Variants in CDK14 observed in about 807,000 individuals in gnomAD.
CDK14 encodes cyclin dependent kinase 14.
In CDK14, 34 loss-of-function variants were observed where a neutral mutation model predicts 60.7. The observed-to-expected ratio is 0.56, with a 90% CI of 0.43 to 0.75. CDK14 has a LOEUF of 0.75. Ranked by LOEUF, CDK14 falls within the 30% of genes least tolerant of loss-of-function variation. CDK14 has a pLI of 0.00. For synonymous variants in CDK14, 197 were observed against 203.7 expected (o/e 0.97, Z 0.28); for missense variants, 482 against 564.1 (o/e 0.85, Z 1.47).
chr7:90,625,348 G>T (rs1799855559), intron 2 of CDK14, among the ~76,000 whole-genome samples: 1 of 152,080 alleles, frequency 6.6e-6, no homozygotes, highest in Non-Finnish European at 1.5e-5. Flanking sequence ...TTTAAAAAAG[G>T]TTATTTTTAA....
At position 90,864,485 on chromosome 7, in the gene CDK14, C is replaced by T. The variant is rs539449739; in HGVS notation, c.639+1216C>T. Among the ~76,000 whole-genome samples the T allele has an allele frequency of 4.6e-5, 7 of 152,134 alleles. No individual in the cohort carries two copies. The South Asian group carries it at 1.5e-3, about 32-fold the overall frequency. On this transcript the variant is annotated intron_variant, in intron 6 of 14. Transcript: ENST00000380050. The stretch of plus-strand genomic sequence containing the variant: ...CATATTTCAGTTAAATCTAGATTTT[C>T]TTTACTATGCTTGACTTTTACAGTG...
At chr7:90,954,063 G>A (rs1161262622) in intron 8 of CDK14, among the ~76,000 whole-genome samples, 1 of 151,998 alleles carries the variant, frequency 6.6e-6, no homozygotes, top group Non-Finnish European at 1.5e-5. Flanking sequence ...ATGTCTGTGT[G>A]GTATAATCTG....
intron 5 of CDK14, among the ~76,000 whole-genome samples, chr7:90,842,938 T>C (rs1017225897): frequency 7.2e-5 from 11 of 151,976 alleles, no homozygotes; most frequent in Non-Finnish European, 1.5e-4. Context: ...AAACAACCTA[T>C]TGCTAATGTT....
chr7:91,085,823 G>A (rs547793616), intron 12 of CDK14, among the ~76,000 whole-genome samples: 1 of 152,122 alleles, frequency 6.6e-6, no homozygotes, highest in South Asian at 2.1e-4. Flanking sequence ...TTTATCTCTA[G>A]CACAGAGGAA....
At chr7:91,191,283 A>G (rs1802354705) in intron 14 of CDK14, among the ~76,000 whole-genome samples, 1 of 152,112 alleles carries the variant, frequency 6.6e-6, no homozygotes, top group Non-Finnish European at 1.5e-5. Context: ...AAACAATCAC[A>G]CAAAGTTTTC....
intron 3 of CDK14, among the ~76,000 whole-genome samples, chr7:90,729,978 A>G (rs1802795914): frequency 6.6e-6 from 1 of 152,082 alleles, no homozygotes; most frequent in Admixed American, 6.6e-5. Flanking sequence ...GCACTCGTCA[A>G]CCTGTCATTT....
chr7:90,889,616 A>G (rs1384204933), intron 6 of CDK14, among the ~76,000 whole-genome samples: 2 of 152,234 alleles, frequency 1.3e-5, no homozygotes, highest in Non-Finnish European at 2.9e-5. Flanking sequence ...TGTGATTGCT[A>G]TGAGAGGATT....
chr7:91,010,931 G>T (rs1796143203), intron 10 of CDK14, among the ~76,000 whole-genome samples: 3 of 146,962 alleles, frequency 2.0e-5, no homozygotes, highest in African/African-American at 2.5e-5. Context: ...TAAATGAGGT[G>T]GTGAGAATGG....
intron 9 of CDK14, among the ~76,000 whole-genome samples, chr7:90,958,015 T>C (rs1229236868): frequency 1.3e-5 from 2 of 152,192 alleles, no homozygotes; most frequent in East Asian, 1.9e-4. Context: ...ATTCATATAA[T>C]TTTATGACCT....
intron 2 of CDK14, among the ~76,000 whole-genome samples, chr7:90,653,663 T>C (rs17866309): frequency 6.6e-6 from 1 of 152,308 alleles, no homozygotes; most frequent in Non-Finnish European, 1.5e-5. Context: ...GAAATTCTTT[T>C]ATTTATTTAT....
intron 10 of CDK14, among the ~76,000 whole-genome samples, chr7:90,988,954 C>T (rs1795453049): frequency 6.6e-6 from 1 of 151,660 alleles, no homozygotes; most frequent in Non-Finnish European, 1.5e-5. Context: ...TAAAATAGTC[C>T]TCTTCATCAA....
chr7:91,195,603 A>G (rs1430204926), intron 14 of CDK14, among the ~76,000 whole-genome samples: 1 of 152,216 alleles, frequency 6.6e-6, no homozygotes, highest in Non-Finnish European at 1.5e-5. Flanking sequence ...AAAACATTTC[A>G]ATACTAAATG....
Position 90,637,004 on chromosome 7 carries a change from G to T in CDK14, c.123+32755G>T, listed in dbSNP as rs544409603. ...TATCCCCTTTATCATTTTTTATTGC[G>T]TCTATTTGATTCTTCTCTCTTTTTT... On this transcript the variant is annotated intron_variant, in intron 2 of 14. Coordinates refer to ENST00000380050, the MANE Select transcript of CDK14 (RefSeq NM_001287135.2). Among the ~76,000 whole-genome samples the T allele has an allele frequency of 8.6e-4, 131 of 151,516 alleles. 1 individual carries two copies. Among genetic ancestry groups the T allele is most frequent in the Non-Finnish European group, 1.7e-3 (112 of 67,848 alleles).
chr7:90,622,489 A>G (rs1325656291), intron 2 of CDK14, among the ~76,000 whole-genome samples: 4 of 152,228 alleles, frequency 2.6e-5, no homozygotes, highest in African/African-American at 9.6e-5. Flanking sequence ...AATTGGGCAT[A>G]AAAGTTGTGA....
chr7:90,906,619 TC>T (rs1792715538), intron 7 of CDK14, among the ~76,000 whole-genome samples: 1 of 152,086 alleles, frequency 6.6e-6, no homozygotes, highest in African/African-American at 2.4e-5. Flanking sequence ...TACATATTTT[TC>T]TTTGTTGATA....
intron 4 of CDK14, among the ~76,000 whole-genome samples, chr7:90,780,575 C>T (rs1043276809): frequency 2.4e-4 from 29 of 120,070 alleles, no homozygotes; most frequent in Admixed American, 3.8e-4. Context: ...TCCCTCCCCC[C>T]TCCCCCCACC....
At position 91,142,737 on chromosome 7, in the gene CDK14, A is replaced by G. The variant is rs544375355; in HGVS notation, c.*28+24529A>G. Among the ~76,000 whole-genome samples, 7 of 152,364 alleles carry G rather than the reference A, an allele frequency of 4.6e-5. No individual in the cohort carries two copies. The South Asian group carries it at 1.0e-3, about 23-fold the overall frequency. On this transcript the variant is annotated intron_variant, in intron 14 of 14. Transcript: ENST00000380050. ...TCCATAGCATATAACATAATGTTGT[A>G]CACAAAGTGAAATATGTGCATATAG...
At chr7:90,714,644 C>G (rs1213849927) in intron 2 of CDK14, among the ~76,000 whole-genome samples, 1 of 151,972 alleles carries the variant, frequency 6.6e-6, no homozygotes, top group Non-Finnish European at 1.5e-5. Context: ...GTTAGTGACC[C>G]ATATATGATT....
At chr7:91,132,070 A>T (rs1242800729) in intron 14 of CDK14, among the ~76,000 whole-genome samples, 3 of 152,092 alleles carry the variant, frequency 2.0e-5, no homozygotes, top group Non-Finnish European at 4.4e-5. Flanking sequence ...TAGTAAGAAG[A>T]CAGTTCCAGC....
Sources: gnomAD v4.1 joint callset for allele counts (sites outside exome capture counted in the v4.1 genomes callset) on GRCh38, gnomAD v4.1.1 for gene constraint, MANE v1.5 for transcripts, NCBI Gene and HGNC (gene_info 2026-07-23, HGNC 2026-07-21) for gene names.